TMEM135: variants seen among roughly 807,000 people sequenced by gnomAD.
TMEM135 encodes peroxisomal membrane protein 52.
Under a neutral mutation model 60.3 loss-of-function variants are expected in TMEM135, and 30 were observed. The observed-to-expected ratio is 0.50, with a 90% CI of 0.37 to 0.68. TMEM135 has a LOEUF of 0.68. Ranked by LOEUF, TMEM135 falls within the 30% of genes least tolerant of loss-of-function variation. The probability of loss-of-function intolerance (pLI) is 0.00; values close to 1 mark genes in which losing one functional copy is unlikely to be tolerated. For missense variants in TMEM135, 468 were observed against 548.8 expected (o/e 0.85, Z 1.47); for synonymous variants, 190 against 186.7 (o/e 1.02, Z -0.14).
chr11:87,168,525 A>C (rs1185237845), intron 5 of TMEM135, among the ~76,000 whole-genome samples: 2 of 152,146 alleles, frequency 1.3e-5, no homozygotes, highest in African/African-American at 4.8e-5. Context: ...CATTGGTTTC[A>C]AAGAACTTAT....
At chr11:87,309,065 A>G (rs914167132) in intron 9 of TMEM135, among the ~76,000 whole-genome samples, 10 of 152,224 alleles carry the variant, frequency 6.6e-5, no homozygotes, top group Non-Finnish European at 1.2e-4. Context: ...CTATGAAAAT[A>G]ATCCCTACTC....
At chr11:87,066,454 G>T (rs1049143865) in intron 1 of TMEM135, among the ~76,000 whole-genome samples, 3 of 151,962 alleles carry the variant, frequency 2.0e-5, no homozygotes, top group Non-Finnish European at 2.9e-5. Context: ...CACATATTAT[G>T]ATTTATATTG....
At chr11:87,266,541 T>G (rs1431999037) in intron 6 of TMEM135, among the ~76,000 whole-genome samples, 1 of 152,190 alleles carries the variant, frequency 6.6e-6, no homozygotes, top group Non-Finnish European at 1.5e-5. Flanking sequence ...TTGGTTCTAG[T>G]CTCCCTTATT....
chr11:87,181,302 A>T (rs761060799), intron 5 of TMEM135, among the ~76,000 whole-genome samples: 3 of 152,094 alleles, frequency 2.0e-5, no homozygotes, highest in Non-Finnish European at 2.9e-5. Flanking sequence ...ATAAAAGACA[A>T]TAAAATGAGC....
chr11:87,270,910 T>G (rs1205715178), intron 6 of TMEM135, among the ~76,000 whole-genome samples: 5 of 152,164 alleles, frequency 3.3e-5, no homozygotes, highest in Non-Finnish European at 7.4e-5. Flanking sequence ...TAGTCAGACA[T>G]GAGCTGTCAT....
intron 6 of TMEM135, among the ~76,000 whole-genome samples, chr11:87,286,217 G>A (rs1942161926): frequency 6.6e-6 from 1 of 152,032 alleles, no homozygotes; most frequent in Admixed American, 6.6e-5. Context: ...TAGACACAGG[G>A]TGCTGAGTGG....
chr11:87,039,766 T>A lies in TMEM135; in HGVS notation c.141+1580T>A, dbSNP rs186132411. ...GATTATGATATAGGTGGAAAGAGAG[T>A]TTATGCTATCTACTTCTCCCTCTGA... On this transcript the variant is annotated intron_variant, in intron 1 of 14. Coordinates refer to ENST00000305494, the MANE Select transcript of TMEM135 (RefSeq NM_022918.4). Among the ~76,000 whole-genome samples, 197 of 152,302 alleles carry A rather than the reference T, an allele frequency of 1.3e-3. 1 individual carries two copies. The highest frequency in any genetic ancestry group is 2.4e-3 in the Non-Finnish European group (166 of 68,016).
rs374929859 is a variant in TMEM135, at chr11:87,321,739, A to G, written c.*406A>G. On this transcript the variant is annotated 3_prime_UTR_variant, in exon 15 of 15. Transcript: ENST00000305494. ...TTATTTCTACATTTTAGGATTTACA[A>G]AGGATCACGGGTACATGGATTTGGT... The G allele has an allele frequency of 1.5e-5, 7 of 456,102 alleles. No homozygotes were observed. Among genetic ancestry groups the G allele is most frequent in the South Asian group, 9.3e-5 (6 of 64,442 alleles). The allele number at this position is 456,102 out of a possible 1,614,324, so 28.3% of individuals were successfully genotyped here.
At position 87,324,037 on chromosome 11, in the gene TMEM135, G is replaced by A. The variant is rs1942874079; in HGVS notation, c.*2704G>A. ...CAGATTTTATAATGAACTTTTATTA[G>A]ACTGAACATGTATGTTTTTGATGGA... On this transcript the variant is annotated 3_prime_UTR_variant, in exon 15 of 15. Transcript: ENST00000305494. The A allele has an allele frequency of 2.2e-6, 1 of 453,746 alleles. No homozygotes were observed. Among genetic ancestry groups the A allele is most frequent in the Non-Finnish European group, 4.4e-6 (1 of 226,756 alleles). The allele number at this position is 453,746 out of a possible 1,614,324, so 28.1% of individuals were successfully genotyped here. A position where few individuals can be genotyped will look rare whatever the true frequency, so the allele number is the denominator to read the frequency against.
At chr11:87,059,673 A>G (rs560845107) in intron 1 of TMEM135, among the ~76,000 whole-genome samples, 27 of 152,350 alleles carry the variant, frequency 1.8e-4, no homozygotes, top group African/African-American at 6.3e-4. Flanking sequence ...TAATAAAACA[A>G]AACTGCACAA....
At chr11:87,118,941 G>C (rs1857967540) in intron 4 of TMEM135, among the ~76,000 whole-genome samples, 2 of 152,118 alleles carry the variant, frequency 1.3e-5, no homozygotes, top group African/African-American at 4.8e-5. Context: ...GGAATGTTGT[G>C]GTTGGTTTAA....
chr11:87,282,027 G>C, intron 6 of TMEM135, among the ~76,000 whole-genome samples: 1 of 152,298 alleles, frequency 6.6e-6, no homozygotes, highest in Middle Eastern at 3.4e-3. Flanking sequence ...GAATCCTGTG[G>C]AGATTTTGTT....
intron 5 of TMEM135, among the ~76,000 whole-genome samples, chr11:87,202,993 A>G (rs1940151947): frequency 7.2e-6 from 1 of 138,774 alleles, no homozygotes; most frequent in Non-Finnish European, 1.5e-5. Context: ...AGATCATGCC[A>G]CTGCACTCCA....
chr11:87,160,430 A>G (rs903951466), intron 5 of TMEM135, among the ~76,000 whole-genome samples: 1 of 152,236 alleles, frequency 6.6e-6, no homozygotes, highest in Non-Finnish European at 1.5e-5. Flanking sequence ...TACACTGGTC[A>G]TCTTATAGAT....
At chr11:87,040,777 C>T (rs973788436) in intron 1 of TMEM135, among the ~76,000 whole-genome samples, 2 of 151,948 alleles carry the variant, frequency 1.3e-5, no homozygotes, top group African/African-American at 4.8e-5. Flanking sequence ...TAAATGAAAT[C>T]ATGCATTGAT....
chr11:87,293,389 T>C (rs977757501), intron 6 of TMEM135, among the ~76,000 whole-genome samples: 3 of 102,938 alleles, frequency 2.9e-5, no homozygotes, highest in African/African-American at 1.1e-4. Flanking sequence ...TTTTTTTTTC[T>C]TCTTAAAAAA....
chr11:87,195,385 C>CTCTCT (rs1386243376), intron 5 of TMEM135, among the ~76,000 whole-genome samples: 9 of 91,462 alleles, frequency 9.8e-5, no homozygotes, highest in African/African-American at 2.8e-4. Flanking sequence ...TTCCTTCCTT[C>CTCTCT]CTTCCTTCTC....
At chr11:87,151,564 A>G (rs1365347015) in intron 4 of TMEM135, among the ~76,000 whole-genome samples, 1 of 150,336 alleles carries the variant, frequency 6.7e-6, no homozygotes, top group African/African-American at 2.5e-5. Flanking sequence ...AGTTACTTTG[A>G]AGCTTATGGA....
chr11:87,235,439 A>G (rs75422911), intron 5 of TMEM135, among the ~76,000 whole-genome samples: 18,471 of 152,046 alleles, frequency 0.12, 1,461 homozygotes, highest in African/African-American at 0.22. Context: ...TTTCTAAGTC[A>G]TTCAGGCTGT....
Sources: allele counts gnomAD v4.1 joint callset (sites outside exome capture counted in the v4.1 genomes callset), GRCh38; gene constraint gnomAD v4.1.1; transcripts MANE v1.5; gene names NCBI Gene and HGNC (gene_info 2026-07-23, HGNC 2026-07-21).